Variants in GNAI1 observed in about 807,000 individuals in gnomAD.
GNAI1 encodes the protein G protein subunit alpha i1.
In GNAI1, 11 loss-of-function variants were observed where a neutral mutation model predicts 38.9. The observed-to-expected ratio is 0.28, with a 90% CI of 0.18 to 0.47. The LOEUF (loss-of-function observed/expected upper bound fraction) is 0.47. GNAI1 is among the 20% of genes least tolerant of loss of function. The pLI, the probability that GNAI1 is intolerant of heterozygous loss-of-function variation, is 0.99. For missense variants in GNAI1, 317 were observed against 436.9 expected, an observed-to-expected ratio of 0.73 and a Z score of 2.45; for synonymous variants, 166 against 145.1, an observed-to-expected ratio of 1.14 and a Z score of -1.04.
intron 1 of GNAI1, among the ~76,000 whole-genome samples, chr7:80,151,176 T>A (rs1787719791): frequency 6.6e-6 from 1 of 152,190 alleles, no homozygotes; most frequent in Admixed American, 6.5e-5. Flanking sequence ...TTTCAGGGAG[T>A]GCCCTTCCAC....
intron 1 of GNAI1, among the ~76,000 whole-genome samples, chr7:80,150,129 A>G (rs985099123): frequency 6.6e-6 from 1 of 152,210 alleles, no homozygotes; most frequent in Non-Finnish European, 1.5e-5. Flanking sequence ...GTAAAGCTTT[A>G]TCAATACTTA....
rs948663927 is a variant in GNAI1, at chr7:80,218,149, G to T, written c.*656G>T. ...CCTTTGGATCAACTATTTAAACATT[G>T]TATGCATTTTGATTTTTCCTACTTT... On this transcript the variant is annotated 3_prime_UTR_variant, in exon 8 of 8. Coordinates refer to ENST00000649796, the MANE Select transcript of GNAI1 (RefSeq NM_002069.6). 2 of 152,112 alleles carry T rather than the reference G, an allele frequency of 1.3e-5. No individual in the cohort carries two copies. The highest frequency in any genetic ancestry group is 6.6e-5 in the Admixed American group (1 of 15,258). The allele number at this position is 152,112 out of a possible 1,614,324, so 9.4% of individuals were successfully genotyped here. A position where few individuals can be genotyped will look rare whatever the true frequency, so the allele number is the denominator to read the frequency against.
At position 80,223,892 on chromosome 7, in the gene GNAI1, G is replaced by A. The variant is rs1022804281; in HGVS notation, c.*6399G>A. On this transcript the variant is annotated 3_prime_UTR_variant, in exon 8 of 8. Coordinates refer to ENST00000649796, the MANE Select transcript of GNAI1 (RefSeq NM_002069.6). Reference sequence around the variant, plus strand: ...ATTTTAACTATGAATCTTCTTCTTCGAAAGGAATCTTGTCTAAATCTAATA... The same window carrying A: ...ATTTTAACTATGAATCTTCTTCTTCAAAAGGAATCTTGTCTAAATCTAATA... Among the ~76,000 whole-genome samples, 2 of 151,974 alleles carry A rather than the reference G, an allele frequency of 1.3e-5. No homozygotes were observed. The highest frequency in any genetic ancestry group is 2.9e-5 in the Non-Finnish European group (2 of 68,004).
chr7:80,189,361 G>T lies in GNAI1; in HGVS notation c.303+130G>T, dbSNP rs920309139. On this transcript the variant is annotated intron_variant, in intron 3 of 7. Coordinates refer to ENST00000649796, the MANE Select transcript of GNAI1 (RefSeq NM_002069.6). The stretch of plus-strand genomic sequence containing the variant: ...CATAAAAGGAACCAAAAGGATAGAA[G>T]TGAGTGAAATGAGGAGCGTTAGAAG... The T allele has an allele frequency of 2.9e-5, 22 of 761,618 alleles. No homozygotes were observed. The African/African-American group carries it at 3.7e-4, about 13-fold the overall frequency. The allele number at this position is 761,618 out of a possible 1,614,324, so 47.2% of individuals were successfully genotyped here.
At position 80,134,870 on chromosome 7, in the gene GNAI1, G is replaced by A. The variant is rs28403586; in HGVS notation, c.-291G>A. The A allele has an allele frequency of 0.071, 17,142 of 240,134 alleles. 810 individuals are homozygous for A. Among genetic ancestry groups the A allele is most frequent in the South Asian group, 0.12 (693 of 5,884 alleles). The allele number at this position is 240,134 out of a possible 1,614,324, so 14.9% of individuals were successfully genotyped here. Reference sequence around the variant, plus strand: ...TTGGCGAGGCTGCGGCGCGGCCACCGGCGGGAGTGCAGCGGCCACTGTACC... The same window carrying A: ...TTGGCGAGGCTGCGGCGCGGCCACCAGCGGGAGTGCAGCGGCCACTGTACC... On this transcript the variant is annotated 5_prime_UTR_variant, in exon 1 of 8. Coordinates refer to ENST00000649796, the MANE Select transcript of GNAI1 (RefSeq NM_002069.6).
intron 3 of GNAI1, among the ~76,000 whole-genome samples, chr7:80,193,397 A>G (rs1788514192): frequency 6.6e-6 from 1 of 152,214 alleles, no homozygotes; most frequent in East Asian, 1.9e-4. Flanking sequence ...AAACAGATTA[A>G]AGACTGGTTA....
intron 1 of GNAI1, among the ~76,000 whole-genome samples, chr7:80,159,557 T>A (rs972380109): frequency 2.2e-4 from 33 of 152,210 alleles, no homozygotes; most frequent in Admixed American, 1.9e-3. Context: ...ATACGTTGTG[T>A]ACATGATTGA....
chr7:80,203,855 A>C, intron 5 of GNAI1, 23 bp downstream of exon 5: 1 of 1,339,828 alleles, frequency 7.5e-7, no homozygotes, highest in Non-Finnish European at 1.0e-6. Context: ...GAAATATATG[A>C]TTTCTAAATT....
intron 1 of GNAI1, among the ~76,000 whole-genome samples, chr7:80,137,580 G>T (rs62460729): frequency 6.6e-6 from 1 of 151,926 alleles, no homozygotes; most frequent in Non-Finnish European, 1.5e-5. Context: ...TCAGCCTCCC[G>T]AAGTTCTGGG....
chr7:80,143,357 A>T (rs1283124398), intron 1 of GNAI1, among the ~76,000 whole-genome samples: 1 of 152,130 alleles, frequency 6.6e-6, no homozygotes, highest in African/African-American at 2.4e-5. Context: ...GTGGAGGTGG[A>T]GGTAGCTTGC....
At chr7:80,152,659 C>A (rs949973379) in intron 1 of GNAI1, among the ~76,000 whole-genome samples, 4 of 146,496 alleles carry the variant, frequency 2.7e-5, no homozygotes, top group Non-Finnish European at 3.0e-5. Context: ...CTTCCGGGTT[C>A]ATGCCATTCT....
chr7:80,169,909 G>A (rs541631087), intron 1 of GNAI1, among the ~76,000 whole-genome samples: 30 of 152,086 alleles, frequency 2.0e-4, no homozygotes, highest in African/African-American at 6.3e-4. Context: ...TGGACATTTC[G>A]TATAAATGGA....
intron 4 of GNAI1, 128 bp from the exon 5 acceptor site, chr7:80,203,576 C>A: frequency 1.6e-6 from 1 of 611,656 alleles, no homozygotes; most frequent in Non-Finnish European, 2.9e-6. Flanking sequence ...TATCTTTACA[C>A]ACAAATTTAA....
chr7:80,136,433 T>C (rs911806509), intron 1 of GNAI1, among the ~76,000 whole-genome samples: 5 of 151,424 alleles, frequency 3.3e-5, no homozygotes, highest in Admixed American at 1.3e-4. Flanking sequence ...AAATGGTGGG[T>C]TTTTTTTCTC....
At chr7:80,164,240 TC>T (rs1787975394) in intron 1 of GNAI1, among the ~76,000 whole-genome samples, 1 of 151,840 alleles carries the variant, frequency 6.6e-6, no homozygotes, top group Non-Finnish European at 1.5e-5. Flanking sequence ...AGATGGAGTT[TC>T]ACTGTGTTGG....
At chr7:80,176,433 C>T (rs151237089) in intron 1 of GNAI1, among the ~76,000 whole-genome samples, 3 of 152,170 alleles carry the variant, frequency 2.0e-5, no homozygotes, top group Non-Finnish European at 4.4e-5. Context: ...GATGACTACA[C>T]TAAACAACAG....
chr7:80,216,095 T>G (rs67096317), intron 7 of GNAI1, among the ~76,000 whole-genome samples: 18,258 of 152,092 alleles, frequency 0.12, 1,349 homozygotes, highest in South Asian at 0.22. Flanking sequence ...AATTTGAATG[T>G]TTTTCAGTTT....
At chr7:80,145,760 C>T (rs958891577) in intron 1 of GNAI1, among the ~76,000 whole-genome samples, 4 of 151,960 alleles carry the variant, frequency 2.6e-5, no homozygotes, top group African/African-American at 9.7e-5. Context: ...TAAATTGTGT[C>T]CTCTTATAAT....
intron 4 of GNAI1, among the ~76,000 whole-genome samples, chr7:80,201,727 GA>G (rs1049289656): frequency 2.7e-5 from 4 of 150,632 alleles, no homozygotes; most frequent in Admixed American, 6.6e-5. Context: ...ATGTCTCAAA[GA>G]AAAAAAAATT....
Sources: allele counts gnomAD v4.1 joint callset (sites outside exome capture counted in the v4.1 genomes callset), GRCh38; gene constraint gnomAD v4.1.1; transcripts MANE v1.5; gene names NCBI Gene and HGNC (gene_info 2026-07-23, HGNC 2026-07-21).